Variants in EYA4 observed in about 807,000 individuals in gnomAD.
The protein encoded by EYA4 is EYA transcriptional coactivator and phosphatase 4.
A neutral mutation model predicts 87.9 loss-of-function variants in EYA4; 31 were observed. That is an observed-to-expected ratio of 0.35 (90% CI 0.27 to 0.48). EYA4 has a LOEUF of 0.48. EYA4 is among the 20% of genes least tolerant of loss of function. The probability of loss-of-function intolerance (pLI) is 0.99; values close to 1 mark genes in which losing one functional copy is unlikely to be tolerated. For missense variants in EYA4, 678 were observed against 761.4 expected (o/e 0.89, Z 1.29); for synonymous variants, 263 against 270.6 (o/e 0.97, Z 0.28).
chr6:133,264,194 C>T (rs1190994202), intron 1 of EYA4, among the ~76,000 whole-genome samples: 2 of 152,148 alleles, frequency 1.3e-5, no homozygotes, highest in South Asian at 2.1e-4. Flanking sequence ...GAAGAGGAAT[C>T]GTCCCCAGAA....
chr6:133,265,544 C>T (rs1293144584), intron 1 of EYA4, among the ~76,000 whole-genome samples: 1 of 152,086 alleles, frequency 6.6e-6, no homozygotes, highest in Non-Finnish European at 1.5e-5. Flanking sequence ...ATTAACATAA[C>T]AACCATTGCT....
chr6:133,312,201 A>G (rs899590980), intron 2 of EYA4, among the ~76,000 whole-genome samples: 9 of 152,146 alleles, frequency 5.9e-5, no homozygotes, highest in South Asian at 2.1e-4. Flanking sequence ...GCTAGAAGGC[A>G]GGAGCATTGG....
chr6:133,483,222 C>A, intron 13 of EYA4, 107 bp downstream of exon 13: 1 of 773,786 alleles, frequency 1.3e-6, no homozygotes, highest in South Asian at 1.5e-5. Flanking sequence ...TTATTGCAGT[C>A]TGTGAAATCT....
At chr6:133,264,032 C>A (rs979253991) in intron 1 of EYA4, among the ~76,000 whole-genome samples, 2 of 152,228 alleles carry the variant, frequency 1.3e-5, no homozygotes, top group African/African-American at 2.4e-5. Context: ...TTTTCCTTTT[C>A]ACTGCAGCAA....
chr6:133,498,015 C>T (rs1414493680), intron 13 of EYA4, among the ~76,000 whole-genome samples: 1 of 152,138 alleles, frequency 6.6e-6, no homozygotes, highest in East Asian at 1.9e-4. Context: ...CAATTGATTG[C>T]TTGTATATTG....
chr6:133,396,402 G>C (rs892954705), intron 3 of EYA4, among the ~76,000 whole-genome samples: 1 of 152,136 alleles, frequency 6.6e-6, no homozygotes, highest in African/African-American at 2.4e-5. Context: ...GCTAGAGCCT[G>C]GGAAAAAATG....
chr6:133,249,992 A>G (rs1200763601), intron 1 of EYA4, among the ~76,000 whole-genome samples: 1 of 152,240 alleles, frequency 6.6e-6, no homozygotes. Flanking sequence ...GGTAGTTGTT[A>G]TATTCCCATT....
chr6:133,461,465 A>G (rs947224417), intron 7 of EYA4, among the ~76,000 whole-genome samples: 3 of 152,176 alleles, frequency 2.0e-5, no homozygotes, highest in Admixed American at 1.3e-4. Flanking sequence ...AAATGTCAAC[A>G]CTTCATAATT....
chr6:133,421,224 T>C (rs1373190643), intron 3 of EYA4, among the ~76,000 whole-genome samples: 1 of 152,140 alleles, frequency 6.6e-6, no homozygotes, highest in Non-Finnish European at 1.5e-5. Context: ...CCACTGCTGT[T>C]CCTACTACAC....
chr6:133,293,220 T>C (rs1411536277), intron 2 of EYA4, among the ~76,000 whole-genome samples: 1 of 152,204 alleles, frequency 6.6e-6, no homozygotes, highest in Non-Finnish European at 1.5e-5. Context: ...CAGATAACTG[T>C]GCCTTTTTCA....
chr6:133,425,405 A>G (rs1790581208), intron 3 of EYA4, among the ~76,000 whole-genome samples: 1 of 150,074 alleles, frequency 6.7e-6, no homozygotes, highest in Non-Finnish European at 1.5e-5. Flanking sequence ...CAGTAATATA[A>G]TAATATCCAT....
chr6:133,389,935 T>C (rs1251714794), intron 3 of EYA4, among the ~76,000 whole-genome samples: 2 of 152,184 alleles, frequency 1.3e-5, no homozygotes, highest in African/African-American at 4.8e-5. Flanking sequence ...ATGAATGCAG[T>C]AGGTCTTCAC....
At chr6:133,274,596 CTT>C in intron 1 of EYA4, 118 bp from the exon 2 acceptor site, 1 of 607,966 alleles carries the variant, frequency 1.6e-6, no homozygotes, top group Non-Finnish European at 2.9e-6. Flanking sequence ...GGATTTTCTT[CTT>C]GAGAGAATGC....
intron 1 of EYA4, among the ~76,000 whole-genome samples, chr6:133,249,014 C>T (rs1245016759): frequency 2.0e-5 from 3 of 151,848 alleles, no homozygotes; most frequent in Non-Finnish European, 4.4e-5. Context: ...TTAAAGGTTT[C>T]GTTCATGAAA....
chr6:133,384,427 G>C (rs1460851017), intron 3 of EYA4, among the ~76,000 whole-genome samples: 1 of 152,206 alleles, frequency 6.6e-6, no homozygotes, highest in African/African-American at 2.4e-5. Flanking sequence ...CTGTGGATTA[G>C]CTGCTGCTTA....
intron 2 of EYA4, among the ~76,000 whole-genome samples, chr6:133,367,171 A>G (rs1382004141): frequency 6.6e-6 from 1 of 152,132 alleles, no homozygotes; most frequent in Non-Finnish European, 1.5e-5. Context: ...TCTTCTTCCT[A>G]TATCCGTGCA....
At chr6:133,400,795 G>A (rs62429386) in intron 3 of EYA4, among the ~76,000 whole-genome samples, 13 of 152,012 alleles carry the variant, frequency 8.6e-5, no homozygotes, top group Admixed American at 6.6e-4. Flanking sequence ...CTGAAGTTGG[G>A]ACCTGCTTTT....
At chr6:133,502,064 T>TCC (rs1470291350) in intron 13 of EYA4, among the ~76,000 whole-genome samples, 13 of 150,966 alleles carry the variant, frequency 8.6e-5, no homozygotes, top group African/African-American at 3.2e-4. Flanking sequence ...TCTCTCTCTC[T>TCC]CTCTCTCACT....
intron 3 of EYA4, among the ~76,000 whole-genome samples, chr6:133,422,369 A>C (rs1790294277): frequency 6.6e-6 from 1 of 152,256 alleles, no homozygotes; most frequent in African/African-American, 2.4e-5. Flanking sequence ...CATAAATATA[A>C]AATTGTATGC....
Sources: gnomAD v4.1 joint callset for allele counts (sites outside exome capture counted in the v4.1 genomes callset) on GRCh38, gnomAD v4.1.1 for gene constraint, MANE v1.5 for transcripts, NCBI Gene and HGNC (gene_info 2026-07-23, HGNC 2026-07-21) for gene names.